LRBA: variants seen among roughly 807,000 people sequenced by gnomAD.
LRBA encodes the protein lipopolysaccharide-responsive and beige-like anchor protein.
Under a neutral mutation model 330.0 loss-of-function variants are expected in LRBA, and 176 were observed. The ratio of observed to expected loss-of-function variants is 0.53; its 90% CI spans 0.47 to 0.60. LRBA has a LOEUF of 0.60. LRBA is among the 20% of genes least tolerant of loss of function. LRBA has a pLI of 0.00. For synonymous variants in LRBA, 1,230 were observed against 1,193.0 expected, an observed-to-expected ratio of 1.03 and a Z score of -0.64; for missense variants, 3,259 against 3,444.8, an observed-to-expected ratio of 0.95 and a Z score of 1.35.
intron 37 of LRBA, among the ~76,000 whole-genome samples, chr4:150,667,522 C>CA (rs1245975551): frequency 6.6e-6 from 1 of 152,092 alleles, no homozygotes; most frequent in African/African-American, 2.4e-5. Context: ...AATTTTCCCC[C>CA]AAAAACCTGC....
At chr4:150,364,284 T>G (rs1221497671) in intron 47 of LRBA, among the ~76,000 whole-genome samples, 1 of 152,236 alleles carries the variant, frequency 6.6e-6, no homozygotes, top group Non-Finnish European at 1.5e-5. Flanking sequence ...TAGTGAGTAT[T>G]TATGCTGTGC....
intron 35 of LRBA, among the ~76,000 whole-genome samples, chr4:150,742,867 C>T (rs1307689375): frequency 6.6e-6 from 1 of 152,174 alleles, no homozygotes; most frequent in Non-Finnish European, 1.5e-5. Flanking sequence ...CACTGCACTG[C>T]AGCCAGGGCG....
intron 55 of LRBA, among the ~76,000 whole-genome samples, 159 bp downstream of exon 55, chr4:150,282,291 G>A (rs780179884): frequency 6.6e-5 from 10 of 152,218 alleles, no homozygotes; most frequent in Non-Finnish European, 1.5e-4. Flanking sequence ...TGAAGTGTGT[G>A]AGCCTTGTCT....
At chr4:150,796,538 T>C (rs551555360) in intron 34 of LRBA, among the ~76,000 whole-genome samples, 1 of 152,124 alleles carries the variant, frequency 6.6e-6, no homozygotes, top group South Asian at 2.1e-4. Flanking sequence ...CTGTACTATA[T>C]GATCTTCATA....
chr4:150,568,273 G>T (rs1026637760), intron 40 of LRBA, among the ~76,000 whole-genome samples: 3 of 152,196 alleles, frequency 2.0e-5, no homozygotes, highest in Non-Finnish European at 4.4e-5. Context: ...TTCAGATTGG[G>T]GGCCAATGTG....
chr4:150,333,951 T>C (rs1734314444), intron 48 of LRBA, among the ~76,000 whole-genome samples: 1 of 152,146 alleles, frequency 6.6e-6, no homozygotes, highest in South Asian at 2.1e-4. Flanking sequence ...AAATCAGAGA[T>C]GTTTGGATGA....
intron 13 of LRBA, 21 bp downstream of exon 13, chr4:150,905,817 C>A (rs1731268240): frequency 6.4e-7 from 1 of 1,552,518 alleles, no homozygotes; most frequent in African/African-American, 1.4e-5. Context: ...AAAACAATAT[C>A]AATATATAGA....
chr4:150,332,936 T>C (rs958780824), intron 48 of LRBA, among the ~76,000 whole-genome samples: 8 of 152,196 alleles, frequency 5.3e-5, no homozygotes, highest in Admixed American at 4.6e-4. Context: ...CAACAAGCTG[T>C]GTATTCTATA....
intron 22 of LRBA, 93 bp downstream of exon 22, chr4:150,867,578 C>CTTGATT (rs770973434): frequency 1.0e-6 from 1 of 982,914 alleles, no homozygotes; most frequent in Non-Finnish European, 1.4e-6. Flanking sequence ...GCCTTTTTTC[C>CTTGATT]TTGATTTTAA....
intron 37 of LRBA, among the ~76,000 whole-genome samples, chr4:150,651,706 AC>A: frequency 6.6e-6 from 1 of 152,206 alleles, no homozygotes; most frequent in East Asian, 1.9e-4. Flanking sequence ...AAAGGATGTT[AC>A]TACAGTTTGC....
intron 47 of LRBA, among the ~76,000 whole-genome samples, chr4:150,412,651 G>A (rs1747166315): frequency 6.6e-6 from 1 of 152,034 alleles, no homozygotes; most frequent in South Asian, 2.1e-4. Flanking sequence ...TTAAAGTGAA[G>A]TAAACATACT....
intron 37 of LRBA, among the ~76,000 whole-genome samples, chr4:150,671,761 G>T (rs2126869323): frequency 6.6e-6 from 1 of 152,258 alleles, no homozygotes; most frequent in South Asian, 2.1e-4. Flanking sequence ...TTCATAGAAG[G>T]CTTGAGTCTT....
chr4:150,873,473 C>G (rs1296064189), intron 17 of LRBA, among the ~76,000 whole-genome samples: 3 of 151,970 alleles, frequency 2.0e-5, no homozygotes, highest in Admixed American at 2.0e-4. Context: ...TGCCTCTAAT[C>G]CAGCTTCTCG....
At chr4:150,977,717 C>A (rs1018105027) in intron 2 of LRBA, among the ~76,000 whole-genome samples, 1 of 152,226 alleles carries the variant, frequency 6.6e-6, no homozygotes, top group Non-Finnish European at 1.5e-5. Context: ...CACAAGCTAA[C>A]TGAAGAGTCC....
chr4:150,953,053 T>C (rs1429904761), intron 2 of LRBA, among the ~76,000 whole-genome samples: 5 of 152,190 alleles, frequency 3.3e-5, no homozygotes, highest in African/African-American at 1.2e-4. Context: ...TGTTAATGTG[T>C]TCATAGCCCT....
chr4:150,480,537 A>G (rs2152080358), intron 42 of LRBA, among the ~76,000 whole-genome samples: 1 of 152,228 alleles, frequency 6.6e-6, no homozygotes, highest in Admixed American at 6.5e-5. Context: ...GTGTATATTA[A>G]ATAATGCTAT....
chr4:150,989,072 G>A (rs1741781604), intron 2 of LRBA, among the ~76,000 whole-genome samples: 1 of 151,856 alleles, frequency 6.6e-6, no homozygotes, highest in African/African-American at 2.4e-5. Context: ...GCACAATCTG[G>A]GATCACTGGA....
intron 52 of LRBA, among the ~76,000 whole-genome samples, chr4:150,303,418 A>G (rs747707201): frequency 6.6e-6 from 1 of 152,076 alleles, no homozygotes; most frequent in Non-Finnish European, 1.5e-5. Flanking sequence ...TTTCTGATGA[A>G]AATTCCTTGA....
intron 47 of LRBA, among the ~76,000 whole-genome samples, chr4:150,372,127 T>G (rs1740414565): frequency 6.6e-6 from 1 of 152,180 alleles, no homozygotes; most frequent in Admixed American, 6.5e-5. Context: ...TTATGCTAAC[T>G]TCTTGTGACT....
Sources: gnomAD v4.1 joint callset for allele counts (sites outside exome capture counted in the v4.1 genomes callset) on GRCh38, gnomAD v4.1.1 for gene constraint, MANE v1.5 for transcripts, NCBI Gene and HGNC (gene_info 2026-07-23, HGNC 2026-07-21) for gene names.